TRAK2: variants seen among roughly 807,000 people sequenced by gnomAD.
TRAK2 encodes trafficking kinesin-binding protein 2.
In TRAK2, 81 loss-of-function variants were observed where a neutral mutation model predicts 104.6. The ratio of observed to expected loss-of-function variants is 0.77; its 90% CI spans 0.65 to 0.93. TRAK2 has a LOEUF of 0.93. TRAK2 is among the 40% of genes least tolerant of loss of function. TRAK2 has a pLI of 0.00. For missense variants in TRAK2, 1,002 were observed against 1,089.0 expected, an observed-to-expected ratio of 0.92 and a Z score of 1.12; for synonymous variants, 406 against 394.4, an observed-to-expected ratio of 1.03 and a Z score of -0.35.
chr2:201,380,844 A>T lies in TRAK2; in HGVS notation c.2444T>A (p.Met815Lys), dbSNP rs527445399. ...GTTCCGGGAGGGTCTCAAGCCATACATCTCCTGGAGGAATGTCTCAGCTGG... is the reference window on the plus strand; with the variant it reads ...GTTCCGGGAGGGTCTCAAGCCATACTTCTCCTGGAGGAATGTCTCAGCTGG... ...SRPAETFLQE[M>K]YGLRPSRNPP... The change falls in exon 16 of 16, where the codon ATG becomes AAG. Residue 815 changes from methionine to lysine, a missense_variant. Coordinates refer to ENST00000332624, the MANE Select transcript of TRAK2 (RefSeq NM_015049.3). 4 of 1,613,922 alleles carry T rather than the reference A, an allele frequency of 2.5e-6. No homozygotes were observed. The African/African-American group carries it at 5.3e-5, about 22-fold the overall frequency.
At chr2:201,381,823 A>C (rs56404923) in intron 15 of TRAK2, among the ~76,000 whole-genome samples, 8,073 of 152,304 alleles carry the variant, frequency 0.053, 438 homozygotes, top group East Asian at 0.22. Context: ...AATTTCAAAC[A>C]ATAATGGTAT....
intron 12 of TRAK2, 130 bp from the exon 13 acceptor site, chr2:201,388,131 T>C: frequency 6.1e-6 from 6 of 985,062 alleles, no homozygotes; most frequent in Non-Finnish European, 9.5e-6. Context: ...ATACCTGGAA[T>C]ATAGAAGTAA....
chr2:201,412,398 C>A, intron 2 of TRAK2: 1 of 1,323,548 alleles, frequency 7.6e-7, no homozygotes, highest in Non-Finnish European at 1.1e-6. Context: ...TTAACAGTAG[C>A]CTTACATGTT....
At chr2:201,442,693 T>C (rs895566648) in intron 1 of TRAK2, among the ~76,000 whole-genome samples, 3 of 152,218 alleles carry the variant, frequency 2.0e-5, no homozygotes, top group Admixed American at 1.3e-4. Context: ...ACCCTCTATC[T>C]GTTCTCCATT....
rs1195881838 is a variant in TRAK2 at position 201,398,318 on chromosome 2, C to G, written c.517G>C (p.Glu173Gln). Residue 173 changes from glutamate to glutamine, a missense_variant, in exon 6 of 16, where the codon GAG (glutamate) becomes CAG (glutamine). Transcript: ENST00000332624. ...GCAATGGAGACGATTCGAAGTAACT[C>G]ATCTTTCTTGCATAGCTCATGCTGC... ...QLQHELCKKD[E>Q]LLRIVSIASE... is the part of the protein sequence containing the mutation. 1 of 1,613,608 alleles carries G rather than the reference C, an allele frequency of 6.2e-7. No individual in the cohort carries two copies. Among genetic ancestry groups the G allele is most frequent in the African/African-American group, 1.3e-5 (1 of 75,020 alleles).
intron 2 of TRAK2, chr2:201,412,350 C>T (rs1156805971): frequency 1.5e-6 from 2 of 1,338,686 alleles, no homozygotes; most frequent in Non-Finnish European, 2.1e-6. Context: ...GAATCTTTGT[C>T]ATTTGATCTG....
At chr2:201,397,982 A>G in intron 6 of TRAK2, 163 bp downstream of exon 6, 1 of 650,096 alleles carries the variant, frequency 1.5e-6, no homozygotes, top group South Asian at 1.9e-5. Flanking sequence ...AGTGGGATCT[A>G]AGAACAGTGG....
intron 3 of TRAK2, 145 bp from the exon 4 acceptor site, chr2:201,401,239 A>G: frequency 3.9e-6 from 2 of 510,398 alleles, no homozygotes; most frequent in Non-Finnish European, 6.8e-6. Flanking sequence ...TGTGAAAAAA[A>G]AGAAATGTTT....
chr2:201,401,370 G>C (rs1201686048), intron 3 of TRAK2, among the ~76,000 whole-genome samples: 1 of 152,014 alleles, frequency 6.6e-6, no homozygotes, highest in East Asian at 1.9e-4. Flanking sequence ...CTCCTCCCCT[G>C]GTAAGACAGG....
chr2:201,388,389 G>C (rs919314393), intron 12 of TRAK2, among the ~76,000 whole-genome samples: 18 of 151,832 alleles, frequency 1.2e-4, no homozygotes, highest in African/African-American at 4.1e-4. Flanking sequence ...GTATCATAAA[G>C]AAGGAAAAAA....
At chr2:201,387,671 TGG>T in intron 13 of TRAK2, 30 bp downstream of exon 13, 2 of 1,524,718 alleles carry the variant, frequency 1.3e-6, no homozygotes, top group South Asian at 2.6e-5. Flanking sequence ...GTAAGTCACA[TGG>T]CTTAGTAAGG....
At chr2:201,435,140 T>C (rs1199343730) in intron 1 of TRAK2, among the ~76,000 whole-genome samples, 1 of 152,216 alleles carries the variant, frequency 6.6e-6, no homozygotes, top group Non-Finnish European at 1.5e-5. Context: ...CACTGCAACC[T>C]TCGCCTCCTG....
At chr2:201,395,519 A>C in intron 7 of TRAK2, 75 bp from the exon 8 acceptor site, 1 of 1,404,438 alleles carries the variant, frequency 7.1e-7, no homozygotes, top group Non-Finnish European at 9.4e-7. Context: ...CTTGTGAGCT[A>C]AATCTTGTTT....
At chr2:201,394,017 TG>T (rs1951473680) in intron 9 of TRAK2, among the ~76,000 whole-genome samples, 1 of 152,188 alleles carries the variant, frequency 6.6e-6, no homozygotes, top group African/African-American at 2.4e-5. Flanking sequence ...CCCAAAGTGC[TG>T]GGATGACAGG....
At chr2:201,432,826 T>C (rs1417009511) in intron 1 of TRAK2, among the ~76,000 whole-genome samples, 2 of 152,206 alleles carry the variant, frequency 1.3e-5, no homozygotes, top group Non-Finnish European at 2.9e-5. Context: ...AATTATTTAG[T>C]GAAACATTTA....
intron 1 of TRAK2, among the ~76,000 whole-genome samples, chr2:201,432,242 C>G (rs1396749715): frequency 8.5e-5 from 13 of 152,176 alleles, no homozygotes; most frequent in Admixed American, 8.5e-4. Flanking sequence ...CTCTTGGATG[C>G]ATGAATAAAC....
At chr2:201,412,684 T>C in intron 2 of TRAK2, 1 of 1,509,872 alleles carries the variant, frequency 6.6e-7, no homozygotes, top group Non-Finnish European at 9.1e-7. Flanking sequence ...AAATTTAGGC[T>C]CTTGTTCAGA....
At chr2:201,429,967 G>C (rs528466332) in intron 1 of TRAK2, among the ~76,000 whole-genome samples, 1 of 152,214 alleles carries the variant, frequency 6.6e-6, no homozygotes, top group African/African-American at 2.4e-5. Flanking sequence ...CTATCTTTGC[G>C]GTTTTATCTA....
chr2:201,412,268 T>C, intron 2 of TRAK2: 1 of 1,105,026 alleles, frequency 9.0e-7, no homozygotes, highest in Non-Finnish European at 1.4e-6. Flanking sequence ...AACTGTGATT[T>C]CTGAAGATTA....
Sources: allele counts gnomAD v4.1 joint callset (sites outside exome capture counted in the v4.1 genomes callset), GRCh38; gene constraint gnomAD v4.1.1; transcripts MANE v1.5; gene names NCBI Gene and HGNC (gene_info 2026-07-23, HGNC 2026-07-21).